Variants in SLC9A9 observed in about 807,000 individuals in gnomAD.
The protein encoded by SLC9A9 is solute carrier family 9 member A9, also known as sodium/hydrogen exchanger 9.
In SLC9A9, 62 loss-of-function variants were observed where a neutral mutation model predicts 77.8. The ratio of observed to expected loss-of-function variants is 0.80; its 90% CI spans 0.65 to 0.98. SLC9A9 has a LOEUF of 0.98. Ranked by LOEUF, SLC9A9 falls within the 50% of genes least tolerant of loss-of-function variation. SLC9A9 has a pLI of 0.00. For missense variants in SLC9A9, 775 were observed against 774.9 expected, an observed-to-expected ratio of 1.00 and a Z score of 0.00; for synonymous variants, 320 against 283.5, an observed-to-expected ratio of 1.13 and a Z score of -1.29.
At chr3:143,362,022 A>G (rs542536678) in intron 14 of SLC9A9, among the ~76,000 whole-genome samples, 1 of 152,338 alleles carries the variant, frequency 6.6e-6, no homozygotes, top group East Asian at 1.9e-4. Context: ...AAACTGAGTT[A>G]TCAGATACTT....
intron 14 of SLC9A9, among the ~76,000 whole-genome samples, chr3:143,332,624 C>A (rs1241594336): frequency 6.6e-6 from 1 of 152,184 alleles, no homozygotes; most frequent in Non-Finnish European, 1.5e-5. Context: ...ATGAATTAAT[C>A]CAGAATTTAA....
Position 143,366,865 on chromosome 3 carries a change from G to A in SLC9A9, c.1525-3302C>T, listed in dbSNP as rs139258587. ...GTGGAGAGCAAACTAGTGCAAAAGG[G>A]GAAGTTAGAGCAATGGAATGCTCCT... On this transcript the variant is annotated intron_variant, in intron 13 of 15. Transcript: ENST00000316549. Among the ~76,000 whole-genome samples, 661 of 152,206 alleles carry A rather than the reference G, an allele frequency of 4.3e-3. 6 individuals carry two copies. The highest frequency in any genetic ancestry group is 0.037 in the Middle Eastern group (11 of 294).
At chr3:143,537,432 G>A (rs1423424664) in intron 9 of SLC9A9, among the ~76,000 whole-genome samples, 2 of 152,174 alleles carry the variant, frequency 1.3e-5, no homozygotes, top group East Asian at 3.9e-4. Context: ...TCCAACTGCA[G>A]CCTGTGCTCC....
intron 14 of SLC9A9, among the ~76,000 whole-genome samples, chr3:143,281,251 G>T (rs1345041631): frequency 6.6e-6 from 1 of 152,188 alleles, no homozygotes; most frequent in African/African-American, 2.4e-5. Flanking sequence ...TTGCCCTAGA[G>T]AATCACCACA....
At chr3:143,339,177 A>G (rs1468499418) in intron 14 of SLC9A9, among the ~76,000 whole-genome samples, 1 of 152,186 alleles carries the variant, frequency 6.6e-6, no homozygotes, top group Non-Finnish European at 1.5e-5. Flanking sequence ...ATCAACATCA[A>G]TAATTATTTG....
chr3:143,848,189 CGAT>C lies in SLC9A9; in HGVS notation c.131_133del (p.His44del). The C allele has an allele frequency of 6.2e-7, 1 of 1,613,918 alleles. No individual in the cohort carries two copies. The highest frequency in any genetic ancestry group is 1.3e-5 in the African/African-American group (1 of 74,998). ...TCCAGTTTCATGCAAGAAGCGGAATCGATGATTTTTAAATAACCAGATTGTCAA... is the reference window on the plus strand; with the variant it reads ...TCCAGTTTCATGCAAGAAGCGGAATCGATTTTTAAATAACCAGATTGTCAA... On this transcript the variant is annotated inframe_deletion, in exon 1 of 16. Transcript: ENST00000316549.
chr3:143,699,444 T>C (rs1933734924), intron 4 of SLC9A9, among the ~76,000 whole-genome samples: 1 of 152,130 alleles, frequency 6.6e-6, no homozygotes, highest in Non-Finnish European at 1.5e-5. Context: ...AGTTCTGAAA[T>C]GCCAATGCCA....
intron 4 of SLC9A9, among the ~76,000 whole-genome samples, chr3:143,713,188 G>A (rs1318724409): frequency 6.6e-6 from 1 of 152,170 alleles, no homozygotes; most frequent in Non-Finnish European, 1.5e-5. Context: ...CAAAAGGAGT[G>A]GTAGGATGGA....
intron 12 of SLC9A9, among the ~76,000 whole-genome samples, chr3:143,418,342 T>C (rs151176772): frequency 6.0e-4 from 91 of 152,212 alleles, no homozygotes; most frequent in East Asian, 5.2e-3. Flanking sequence ...AGAAAGTTAA[T>C]GTATCTGTGG....
At chr3:143,798,240 C>T (rs578235866) in intron 2 of SLC9A9, among the ~76,000 whole-genome samples, 51 of 152,248 alleles carry the variant, frequency 3.3e-4, no homozygotes, top group African/African-American at 8.9e-4. Context: ...ACATTTTATC[C>T]GTGGACCCCA....
At chr3:143,748,263 C>A (rs1935243649) in intron 4 of SLC9A9, among the ~76,000 whole-genome samples, 1 of 152,102 alleles carries the variant, frequency 6.6e-6, no homozygotes, top group Non-Finnish European at 1.5e-5. Flanking sequence ...TTATCCGGGA[C>A]CCCACAAATA....
intron 2 of SLC9A9, among the ~76,000 whole-genome samples, chr3:143,805,831 C>G (rs2008696986): frequency 6.6e-6 from 1 of 152,118 alleles, no homozygotes; most frequent in Non-Finnish European, 1.5e-5. Context: ...CGCTAACTCT[C>G]TTTTCGGACT....
intron 12 of SLC9A9, among the ~76,000 whole-genome samples, chr3:143,446,346 C>T (rs2034842293): frequency 6.6e-6 from 1 of 151,918 alleles, no homozygotes; most frequent in African/African-American, 2.4e-5. Context: ...TATCTTCTGA[C>T]TGTTTCTATT....
chr3:143,331,961 T>C (rs959122000), intron 14 of SLC9A9, among the ~76,000 whole-genome samples: 13 of 152,026 alleles, frequency 8.6e-5, no homozygotes, highest in African/African-American at 3.1e-4. Context: ...TAGGAAATTA[T>C]TGAGAGGAAA....
chr3:143,787,987 A>G (rs2008103533), intron 4 of SLC9A9, among the ~76,000 whole-genome samples: 1 of 152,132 alleles, frequency 6.6e-6, no homozygotes, highest in South Asian at 2.1e-4. Flanking sequence ...CAAGATATAC[A>G]GACTTATTAT....
At chr3:143,717,469 C>T (rs1198471607) in intron 4 of SLC9A9, among the ~76,000 whole-genome samples, 1 of 152,110 alleles carries the variant, frequency 6.6e-6, no homozygotes, top group South Asian at 2.1e-4. Flanking sequence ...ACAGATTACA[C>T]ATAAAAATTC....
chr3:143,650,674 G>A (rs2038781035), intron 6 of SLC9A9, among the ~76,000 whole-genome samples: 1 of 152,216 alleles, frequency 6.6e-6, no homozygotes, highest in African/African-American at 2.4e-5. Flanking sequence ...CCGAAGCTGA[G>A]GAGCACAAGA....
chr3:143,713,193 G>C (rs2108797782), intron 4 of SLC9A9, among the ~76,000 whole-genome samples: 1 of 152,308 alleles, frequency 6.6e-6, no homozygotes, highest in South Asian at 2.1e-4. Context: ...GGAGTGGTAG[G>C]ATGGAGGGAA....
chr3:143,756,632 GGATA>G (rs2006933541), intron 4 of SLC9A9, among the ~76,000 whole-genome samples: 1 of 152,116 alleles, frequency 6.6e-6, no homozygotes, highest in South Asian at 2.1e-4. Flanking sequence ...TTGTTTTGTT[GGATA>G]GATAATCTAT....
Sources: allele counts gnomAD v4.1 joint callset (sites outside exome capture counted in the v4.1 genomes callset), GRCh38; gene constraint gnomAD v4.1.1; transcripts MANE v1.5; gene names NCBI Gene and HGNC (gene_info 2026-07-23, HGNC 2026-07-21).